The following FER variants were observed in gnomAD, a reference collection of about 807,000 sequenced individuals.
FER encodes FER tyrosine kinase, also known as tyrosine-protein kinase Fer.
Under a neutral mutation model 111.0 loss-of-function variants are expected in FER, and 63 were observed. That is an observed-to-expected ratio of 0.57 (90% CI 0.46 to 0.70). The LOEUF is 0.70. Ranked by LOEUF, FER falls within the 30% of genes least tolerant of loss-of-function variation. FER has a pLI of 0.00. For missense variants in FER, 914 were observed against 954.0 expected, an observed-to-expected ratio of 0.96 and a Z score of 0.55; for synonymous variants, 327 against 313.9, an observed-to-expected ratio of 1.04 and a Z score of -0.44.
At chr5:109,058,089 T>C (rs1435543527) in intron 16 of FER, among the ~76,000 whole-genome samples, 2 of 152,086 alleles carry the variant, frequency 1.3e-5, no homozygotes, top group Admixed American at 6.5e-5. Flanking sequence ...ATTAATCATA[T>C]AGATAAAATA....
intron 17 of FER, among the ~76,000 whole-genome samples, chr5:109,113,297 T>A (rs1435530760): frequency 6.6e-6 from 1 of 152,126 alleles, no homozygotes; most frequent in African/African-American, 2.4e-5. Flanking sequence ...CTTGAGGACA[T>A]CAGGAGTCCC....
chr5:109,009,861 A>C (rs992475222), intron 13 of FER, among the ~76,000 whole-genome samples: 2 of 152,196 alleles, frequency 1.3e-5, no homozygotes, highest in Admixed American at 1.3e-4. Context: ...CCCAGGTTTA[A>C]CAGTGTCATG....
chr5:108,849,268 A>G (rs1762315389), intron 5 of FER, among the ~76,000 whole-genome samples: 1 of 151,980 alleles, frequency 6.6e-6, no homozygotes, highest in South Asian at 2.1e-4. Context: ...GCTTTCTTTC[A>G]GAGACTCCAG....
rs1468619163 is a variant in FER, at chr5:109,192,136, T to C, written c.*4561T>C. On this transcript the variant is annotated 3_prime_UTR_variant, in exon 20 of 20. Transcript: ENST00000281092. ...GGCAGAAAAATCCTGGTGTGCTAGATTCTTAGTCACTTTAAACTGCATAGA... is the reference window on the plus strand; with the variant it reads ...GGCAGAAAAATCCTGGTGTGCTAGACTCTTAGTCACTTTAAACTGCATAGA... 1 of 152,214 alleles carries C rather than the reference T, an allele frequency of 6.6e-6. No homozygotes were observed. The highest frequency in any genetic ancestry group is 2.4e-5 in the African/African-American group (1 of 41,460). 9.4% of individuals were successfully genotyped at this position (152,214 alleles called of 1,614,324 possible).
chr5:108,897,641 A>G lies in FER; in HGVS notation c.1047-18A>G, dbSNP rs1749346171. On this transcript the variant is annotated intron_variant, in intron 9 of 19. Transcript: ENST00000281092. The stretch of plus-strand genomic sequence containing the variant: ...CTTCTTAATGAAGTTGAAATCATTT[A>G]TATTTATTCTCTTTTAGTATTGTGC... The G allele has an allele frequency of 2.0e-6, 3 of 1,500,872 alleles. No homozygotes were observed. The highest frequency in any genetic ancestry group is 2.8e-5 in the South Asian group (2 of 72,018). The allele number at this position is 1,500,872 out of a possible 1,614,324, so 93.0% of individuals were successfully genotyped here. A position where few individuals can be genotyped will look rare whatever the true frequency, so the allele number is the denominator to read the frequency against.
chr5:108,947,020 A>G (rs1757076183), intron 11 of FER, among the ~76,000 whole-genome samples: 1 of 152,064 alleles, frequency 6.6e-6, no homozygotes, highest in African/African-American at 2.4e-5. Flanking sequence ...ACAATGTGAC[A>G]GTACTTCATT....
At chr5:109,021,286 C>G (rs575300965) in intron 13 of FER, among the ~76,000 whole-genome samples, 1 of 152,026 alleles carries the variant, frequency 6.6e-6, no homozygotes, top group South Asian at 2.1e-4. Flanking sequence ...AGAACAGGGA[C>G]TATAATGTTG....
chr5:108,749,615 C>T (rs1441304681), intron 1 of FER, among the ~76,000 whole-genome samples: 1 of 152,220 alleles, frequency 6.6e-6, no homozygotes, highest in Non-Finnish European at 1.5e-5. Context: ...TCACCTTCTC[C>T]CGCTTTTATC....
intron 17 of FER, among the ~76,000 whole-genome samples, chr5:109,130,831 A>G (rs1038142546): frequency 6.6e-6 from 1 of 152,156 alleles, no homozygotes; most frequent in African/African-American, 2.4e-5. Context: ...CTGTGAGGAC[A>G]AGGGAATCCT....
Position 109,003,951 on chromosome 5 carries a change from G to T in FER, c.1657-33471G>T, listed in dbSNP as rs897493335. ...GCTGTGATCATGCCACTGCACTTCA[G>T]CCTGGGCGACGGTGTAAGACCGGGT... On this transcript the variant is annotated intron_variant, in intron 13 of 19. Transcript: ENST00000281092. Among the ~76,000 whole-genome samples, 101 of 152,216 alleles carry T rather than the reference G, an allele frequency of 6.6e-4. 1 individual carries two copies. Among genetic ancestry groups the T allele is most frequent in the Non-Finnish European group, 1.6e-4 (11 of 68,044 alleles).
chr5:108,768,773 G>C (rs796462708), intron 2 of FER, among the ~76,000 whole-genome samples: 3 of 152,074 alleles, frequency 2.0e-5, no homozygotes, highest in South Asian at 4.1e-4. Context: ...CTTATATTCT[G>C]GGGGAGGGGA....
Position 108,754,393 on chromosome 5 carries a change from T to A in FER, c.-206+6393T>A, listed in dbSNP as rs1424892438. On this transcript the variant is annotated intron_variant, in intron 1 of 19. Coordinates refer to ENST00000281092, the MANE Select transcript of FER (RefSeq NM_005246.4). ...CTGTGCTTCGGCCTGGGCAACAGAG[T>A]GAGTCCCTGTCTCAAAAAAAAAAAA... is the stretch of plus-strand genomic sequence containing the variant. Among the ~76,000 whole-genome samples the A allele has an allele frequency of 2.4e-5, 3 of 127,510 alleles. No homozygotes were observed. In the East Asian group the frequency reaches 6.4e-4, roughly 27 times the overall value. The allele number at this position is 127,510 out of a possible 152,430, so 83.7% of individuals were successfully genotyped here.
intron 16 of FER, among the ~76,000 whole-genome samples, chr5:109,083,439 T>C (rs557933030): frequency 6.6e-6 from 1 of 152,134 alleles, no homozygotes; most frequent in African/African-American, 2.4e-5. Context: ...AGCCTACAAA[T>C]CCACTTAACT....
At chr5:108,921,457 C>T (rs1012166553) in intron 10 of FER, among the ~76,000 whole-genome samples, 7 of 152,024 alleles carry the variant, frequency 4.6e-5, no homozygotes, top group Non-Finnish European at 8.8e-5. Flanking sequence ...TTTCCTCTGC[C>T]TTGTACAGTG....
intron 10 of FER, among the ~76,000 whole-genome samples, chr5:108,934,184 G>C (rs866853973): frequency 5.8e-4 from 89 of 152,248 alleles, no homozygotes; most frequent in African/African-American, 2.1e-3. Context: ...TTGGCTTTCT[G>C]TATGTAATCT....
At chr5:108,788,530 A>G (rs536662715) in intron 2 of FER, among the ~76,000 whole-genome samples, 6 of 132,096 alleles carry the variant, frequency 4.5e-5, no homozygotes, top group Non-Finnish European at 7.8e-5. Flanking sequence ...TGCGACACTA[A>G]TATCTTTTTT....
At chr5:109,077,943 C>T (rs1422641001) in intron 16 of FER, among the ~76,000 whole-genome samples, 1 of 151,984 alleles carries the variant, frequency 6.6e-6, no homozygotes, top group Non-Finnish European at 1.5e-5. Context: ...CCACTTTACA[C>T]AGGAGGAAAT....
At chr5:109,144,439 C>G (rs1440293754) in intron 17 of FER, among the ~76,000 whole-genome samples, 2 of 152,118 alleles carry the variant, frequency 1.3e-5, no homozygotes, top group Non-Finnish European at 2.9e-5. Context: ...TGCATCCTCT[C>G]AGAGCCCTGC....
At position 109,135,009 on chromosome 5, in the gene FER, TA is replaced by T. The variant is rs140658682; in HGVS notation, c.2048+34492del. On this transcript the variant is annotated intron_variant, in intron 17 of 19. Transcript: ENST00000281092. ...AATATTTCTTTAAAACCTAGTATAATAATCAATATTCAAGAAAAGCATTGCT... is the reference window on the plus strand; with the variant it reads ...AATATTTCTTTAAAACCTAGTATAATATCAATATTCAAGAAAAGCATTGCT... 4.4e-4 allele frequency among the ~76,000 whole-genome samples: 67 copies of T among 152,224 alleles called. 2 individuals carry two copies. In the East Asian group the frequency reaches 0.012, roughly 28 times the overall value.
Sources: gnomAD v4.1 joint callset for allele counts (sites outside exome capture counted in the v4.1 genomes callset) on GRCh38, gnomAD v4.1.1 for gene constraint, MANE v1.5 for transcripts, NCBI Gene and HGNC (gene_info 2026-07-23, HGNC 2026-07-21) for gene names.